Variants in GRIA1 observed in about 807,000 individuals in gnomAD.
GRIA1 encodes glutamate receptor 1.
In GRIA1, 31 loss-of-function variants were observed where a neutral mutation model predicts 99.2. That is an observed-to-expected ratio of 0.31 (90% confidence interval 0.23 to 0.42). The LOEUF is 0.42. Ranked by LOEUF, GRIA1 falls within the 10% of genes least tolerant of loss-of-function variation. The probability of loss-of-function intolerance (pLI) is 1.00; values close to 1 mark genes in which losing one functional copy is unlikely to be tolerated. For missense variants in GRIA1, 782 were observed against 1,157.5 expected (o/e 0.68, Z 4.71); for synonymous variants, 438 against 432.4 (o/e 1.01, Z -0.16).
chr5:153,648,369 G>A (rs149584579), intron 3 of GRIA1, among the ~76,000 whole-genome samples: 167 of 152,208 alleles, frequency 1.1e-3, no homozygotes, highest in African/African-American at 3.7e-3. Context: ...CCAGAAAAAT[G>A]TACCTTTGCT....
intron 2 of GRIA1, among the ~76,000 whole-genome samples, chr5:153,501,148 G>A (rs1754977558): frequency 6.6e-6 from 1 of 152,166 alleles, no homozygotes; most frequent in Non-Finnish European, 1.5e-5. Flanking sequence ...GTATGCAAAT[G>A]CTGAAGCATT....
chr5:153,548,704 G>A (rs1430734253), intron 2 of GRIA1, among the ~76,000 whole-genome samples: 1 of 152,176 alleles, frequency 6.6e-6, no homozygotes, highest in Admixed American at 6.5e-5. Flanking sequence ...ACTATAAAAT[G>A]TGAGAAAAAG....
chr5:153,730,619 A>G (rs1760936023), intron 11 of GRIA1, among the ~76,000 whole-genome samples: 1 of 152,098 alleles, frequency 6.6e-6, no homozygotes, highest in Admixed American at 6.6e-5. Flanking sequence ...GTTACACAGA[A>G]AATAAAGAAT....
At chr5:153,525,121 T>C (rs541518) in intron 2 of GRIA1, 53,925 of 152,090 alleles carry the variant, frequency 0.35, 9,958 homozygotes, top group African/African-American at 0.46. Flanking sequence ...AATGCTTCCA[T>C]TCAAAAAAGT....
At chr5:153,652,298 A>G (rs1299853994) in intron 4 of GRIA1, among the ~76,000 whole-genome samples, 2 of 152,252 alleles carry the variant, frequency 1.3e-5, no homozygotes, top group Non-Finnish European at 2.9e-5. Context: ...GACCTATTGT[A>G]TATTGTTCTA....
chr5:153,785,176 G>A (rs1764895408), intron 13 of GRIA1, among the ~76,000 whole-genome samples: 2 of 152,146 alleles, frequency 1.3e-5, no homozygotes, highest in African/African-American at 2.4e-5. Flanking sequence ...AGGGAGAACT[G>A]TGCACCCCTG....
chr5:153,802,082 G>T (rs1766076887), intron 14 of GRIA1, among the ~76,000 whole-genome samples: 1 of 152,112 alleles, frequency 6.6e-6, no homozygotes. Flanking sequence ...TCTCACCCTA[G>T]AAAAGGCATT....
intron 2 of GRIA1, among the ~76,000 whole-genome samples, chr5:153,633,823 A>G (rs79440012): frequency 0.055 from 8,373 of 152,284 alleles, 260 homozygotes; most frequent in African/African-American, 0.073. Flanking sequence ...TTATGCATTT[A>G]TTCCATTCAG....
At chr5:153,660,611 T>C (rs1303203759) in intron 5 of GRIA1, among the ~76,000 whole-genome samples, 1 of 152,164 alleles carries the variant, frequency 6.6e-6, no homozygotes, top group Admixed American at 6.6e-5. Flanking sequence ...GCAATAGATC[T>C]GACATTCCAA....
At chr5:153,741,015 C>T (rs1202554004) in intron 11 of GRIA1, among the ~76,000 whole-genome samples, 6 of 132,280 alleles carry the variant, frequency 4.5e-5, no homozygotes, top group Non-Finnish European at 9.3e-5. Flanking sequence ...CTCACTCTGT[C>T]GCCCAGGCTG....
intron 2 of GRIA1, among the ~76,000 whole-genome samples, chr5:153,538,679 T>A (rs1391329567): frequency 6.6e-6 from 1 of 152,178 alleles, no homozygotes; most frequent in East Asian, 1.9e-4. Context: ...TGAGTCCCAC[T>A]GCACAGCCAC....
chr5:153,501,130 C>T (rs117142577), intron 2 of GRIA1, among the ~76,000 whole-genome samples: 8 of 152,280 alleles, frequency 5.3e-5, no homozygotes, highest in East Asian at 1.9e-4. Flanking sequence ...ACATTCAGGG[C>T]GCATTCTGTA....
At position 153,765,329 on chromosome 5, in the gene GRIA1, G is replaced by A. The variant is rs79508245; in HGVS notation, c.2022+697G>A. Among the ~76,000 whole-genome samples, 371 of 152,254 alleles carry A rather than the reference G, an allele frequency of 2.4e-3. 8 individuals are homozygous for A. In the South Asian group the frequency reaches 0.056, roughly 23 times the overall value. ...TCATCCATGTAATGAGGAGAACAATGTCTATATCAGAGCTTAACAAGACTA... is the reference window on the plus strand; with the variant it reads ...TCATCCATGTAATGAGGAGAACAATATCTATATCAGAGCTTAACAAGACTA... On this transcript the variant is annotated intron_variant, in intron 12 of 15. Transcript: ENST00000285900.
At chr5:153,768,128 C>T (rs1380648062) in intron 12 of GRIA1, among the ~76,000 whole-genome samples, 1 of 152,150 alleles carries the variant, frequency 6.6e-6, no homozygotes, top group Non-Finnish European at 1.5e-5. Context: ...CTGGTCACAG[C>T]TGAATTTATA....
chr5:153,793,734 G>A (rs552685036), intron 13 of GRIA1, among the ~76,000 whole-genome samples: 2 of 152,310 alleles, frequency 1.3e-5, no homozygotes, highest in African/African-American at 4.8e-5. Context: ...TATGTTATAT[G>A]TACATGTTGT....
At chr5:153,787,846 T>C (rs1765063205) in intron 13 of GRIA1, among the ~76,000 whole-genome samples, 1 of 152,066 alleles carries the variant, frequency 6.6e-6, no homozygotes, top group Admixed American at 6.6e-5. Context: ...TTTGGGAGGC[T>C]GAGGTGGGCA....
At chr5:153,510,337 T>A (rs1046360560) in intron 2 of GRIA1, among the ~76,000 whole-genome samples, 8 of 152,092 alleles carry the variant, frequency 5.3e-5, no homozygotes, top group African/African-American at 1.9e-4. Context: ...TTGGTAACAT[T>A]TGTAATTGAG....
chr5:153,526,422 C>A (rs779501739), intron 2 of GRIA1, among the ~76,000 whole-genome samples: 3 of 152,034 alleles, frequency 2.0e-5, no homozygotes, highest in Non-Finnish European at 4.4e-5. Flanking sequence ...GTTCAAATAC[C>A]TTTTCTATTA....
chr5:153,724,125 C>T (rs1012007253), intron 11 of GRIA1, among the ~76,000 whole-genome samples: 1 of 152,192 alleles, frequency 6.6e-6, no homozygotes, highest in Non-Finnish European at 1.5e-5. Flanking sequence ...TGCTGTTACC[C>T]AGGCAAACAG....
Sources: allele counts gnomAD v4.1 joint callset (sites outside exome capture counted in the v4.1 genomes callset), GRCh38; gene constraint gnomAD v4.1.1; transcripts MANE v1.5; gene names NCBI Gene and HGNC (gene_info 2026-07-23, HGNC 2026-07-21).